Variants in IQGAP3 observed in about 807,000 individuals in gnomAD.
The protein encoded by IQGAP3 is ras GTPase-activating-like protein IQGAP3.
A neutral mutation model predicts 208.2 loss-of-function variants in IQGAP3; 165 were observed. The ratio of observed to expected loss-of-function variants is 0.79; its 90% CI spans 0.70 to 0.90. IQGAP3 has a LOEUF of 0.90. Among genes scored for constraint, IQGAP3 ranks in the 40% least tolerant of loss-of-function variants. The pLI, the probability that IQGAP3 is intolerant of heterozygous loss-of-function variation, is 0.00. For missense variants in IQGAP3, 1,811 were observed against 2,043.1 expected (o/e 0.89, Z 2.19); for synonymous variants, 703 against 803.6 (o/e 0.87, Z 2.12).
In IQGAP3 at chr1:156,561,986, T is replaced by C; in HGVS notation, c.893A>G (p.Glu298Gly). 6.2e-7 allele frequency: 1 copy of C among 1,611,868 alleles called. No individual in the cohort carries two copies. Among genetic ancestry groups the C allele is most frequent in the Non-Finnish European group, 8.5e-7 (1 of 1,179,156 alleles). ...TCTTTCCAGGGCATCATCAACAACT[T>C]CTAGAGCCCCATGGACTGAAAAAAA... ...INHVNVHGALEVVDDALERQS... is the reference protein window; with the variant it reads ...INHVNVHGALGVVDDALERQS... The change falls in exon 10 of 38, where the codon GAA becomes GGA. Residue 298 changes from glutamate to glycine, a missense_variant. Glu to Gly is a moderately conservative substitution (Grantham distance 98, BLOSUM62 -2). Transcript: ENST00000361170.
Position 156,548,732 on chromosome 1 carries a change from A to T in IQGAP3, c.1842T>A (p.Ala614=), listed in dbSNP as rs1675399475. The T allele has an allele frequency of 6.3e-7, 1 of 1,578,080 alleles. No homozygotes were observed. The highest frequency in any genetic ancestry group is 1.2e-5 in the South Asian group (1 of 85,956). ...CCTCCTTGATGGCTTGATTGATGGC[A>T]GCCACACCAAGAGCCACTGACAGGG... is the stretch of plus-strand genomic sequence containing the variant. ...NTAQRMALGV[A]AINQAIKEGK... The change falls in exon 17 of 38, where the codon GCT becomes GCA. Residue 614 remains alanine (A), a synonymous_variant. Coordinates refer to ENST00000361170, the MANE Select transcript of IQGAP3 (RefSeq NM_178229.5).
intron 32 of IQGAP3, among the ~76,000 whole-genome samples, chr1:156,531,599 A>G (rs1402799641): frequency 1.5e-5 from 2 of 131,854 alleles, no homozygotes; most frequent in Admixed American, 7.8e-5. Context: ...TACTCAGCTC[A>G]CTTGTTTTTT....
chr1:156,551,643 G>A, intron 15 of IQGAP3, 62 bp downstream of exon 15: 2 of 1,523,336 alleles, frequency 1.3e-6, no homozygotes, highest in South Asian at 1.2e-5. Context: ...ACTGGGTACA[G>A]TGCAACCCAC....
In IQGAP3 at chr1:156,526,496, A is replaced by C. The variant is rs779522790; in HGVS notation, c.4886T>G (p.Leu1629Trp). Residue 1629 changes from leucine to tryptophan, a missense_variant, in exon 38 of 38, where the codon TTG becomes TGG. Transcript: ENST00000361170. ...LLIFLLNKKF[L>W]RK is the part of the protein sequence containing the mutation. ...CACCCTTTGCCTCTGTCACTTCCGC[A>C]AAAACTTCTTGTTGAGGAGGAAGAT... 6.2e-7 allele frequency: 1 copy of C among 1,613,048 alleles called. No homozygotes were observed. The highest frequency in any genetic ancestry group is 1.1e-5 in the South Asian group (1 of 91,054).
intron 19 of IQGAP3, among the ~76,000 whole-genome samples, chr1:156,546,379 G>A (rs1232484822): frequency 6.6e-6 from 1 of 152,176 alleles, no homozygotes; most frequent in Non-Finnish European, 1.5e-5. Context: ...AGCCCACACA[G>A]CTTTGGTACT....
chr1:156,538,129 C>T (rs147678478), intron 26 of IQGAP3, among the ~76,000 whole-genome samples: 707 of 152,236 alleles, frequency 4.6e-3, no homozygotes, highest in African/African-American at 0.016. Context: ...GGCACGATCT[C>T]GGCTCACTGC....
Position 156,561,954 on chromosome 1 carries a change from G to C in IQGAP3, c.925C>G (p.Pro309Ala). The change falls in exon 10 of 38, where the codon CCT becomes GCT. Residue 309 changes from proline (P) to alanine (A), a missense_variant. Pro to Ala is a conservative substitution (Grantham distance 27). Transcript: ENST00000361170. ...VVDDALERQS[P>A]EALLKALQDP... ...TGAAGGGCCTTGAGCAAGGCTTCAG[G>C]GCTCTGTCTTTCCAGGGCATCATCA... 2 of 1,613,842 alleles carry C rather than the reference G, an allele frequency of 1.2e-6. No homozygotes were observed. Among genetic ancestry groups the C allele is most frequent in the Admixed American group, 3.3e-5 (2 of 59,996 alleles).
intron 4 of IQGAP3, 67 bp downstream of exon 4, chr1:156,565,960 G>A: frequency 8.4e-7 from 1 of 1,194,738 alleles, no homozygotes; most frequent in African/African-American, 1.5e-5. Flanking sequence ...GGGAGATAAA[G>A]CATGGGATTG....
chr1:156,572,271 A>C (rs1676679604), intron 1 of IQGAP3, among the ~76,000 whole-genome samples: 1 of 152,238 alleles, frequency 6.6e-6, no homozygotes, highest in Non-Finnish European at 1.5e-5. Context: ...AGTTCTTTGT[A>C]AGCTTTAAAG....
intron 27 of IQGAP3, chr1:156,536,730 A>T (rs1309493019): frequency 6.5e-6 from 1 of 154,710 alleles, no homozygotes; most frequent in Non-Finnish European, 1.4e-5. Context: ...AAAACATCAC[A>T]CTATACCCTA....
chr1:156,527,473 G>C (rs376447653), intron 37 of IQGAP3, among the ~76,000 whole-genome samples: 1 of 152,018 alleles, frequency 6.6e-6, no homozygotes. Context: ...GTAAGGCTCC[G>C]TCTCAAGAAA....
rs182838825 is a variant in IQGAP3, at chr1:156,527,248, G to A, written c.4783-649C>T. 2.5e-4 allele frequency among the ~76,000 whole-genome samples: 38 copies of A among 151,366 alleles called. No homozygotes were observed. In the East Asian group the frequency reaches 6.9e-3, roughly 27 times the overall value. ...GTAAATCCCAGCATTTTGGGAGGCT[G>A]AGGCGGGCGGATCACAAGGTCAGCA... On this transcript the variant is annotated intron_variant, in intron 37 of 37. Coordinates refer to ENST00000361170, the MANE Select transcript of IQGAP3 (RefSeq NM_178229.5).
In IQGAP3 at chr1:156,563,325, A is replaced by G. The variant is rs1310591164; in HGVS notation, c.620-13T>C. 6.3e-7 allele frequency: 1 copy of G among 1,578,372 alleles called. No homozygotes were observed. The highest frequency in any genetic ancestry group is 8.6e-7 in the Non-Finnish European group (1 of 1,157,030). The stretch of plus-strand genomic sequence containing the variant: ...ACAGCTGCATGGACTGGGAGAGGGC[A>G]TGGAAACAAGGTCAGGAGGCCAGAG... On this transcript the variant is annotated splice_polypyrimidine_tract_variant and intron_variant, in intron 7 of 37. Transcript: ENST00000361170.
In IQGAP3 at chr1:156,541,003, T is replaced by C. The variant is rs1011301935; in HGVS notation, c.2531-87A>G. 15 of 1,083,352 alleles carry C rather than the reference T, an allele frequency of 1.4e-5. No individual in the cohort carries two copies. The African/African-American group carries it at 2.2e-4, about 16-fold the overall frequency. 67.1% of individuals were successfully genotyped at this position (1,083,352 alleles called of 1,614,324 possible). ...CCCTGCCCGAGTCAGCCCACCCCAG[T>C]CCCCGTTCTGCTTGGGATCAGCAGG... On this transcript the variant is annotated intron_variant, in intron 22 of 37. Coordinates refer to ENST00000361170, the MANE Select transcript of IQGAP3 (RefSeq NM_178229.5).
In IQGAP3 at chr1:156,539,839, T is replaced by C. The variant is rs750629224; in HGVS notation, c.2891A>G (p.Gln964Arg). ...CTCCTTGGAAAGTCCTCTGCTAACC[T>C]GGAGCAGGTAGAAGAGGTGTTGGTA... ...EAYQHLFYLL[Q>R]TQPIYLAKLI... The change falls in exon 24 of 38, where the codon CAG (glutamine) becomes CGG (arginine). Residue 964 changes from glutamine to arginine, a missense_variant and splice_region_variant. Transcript: ENST00000361170. 3 of 1,614,208 alleles carry C rather than the reference T, an allele frequency of 1.9e-6. No individual in the cohort carries two copies. In the Middle Eastern group the frequency reaches 4.9e-4, roughly 266 times the overall value.
At chr1:156,535,007 C>T (rs924630957) in intron 28 of IQGAP3, among the ~76,000 whole-genome samples, 156 bp downstream of exon 28, 1 of 152,132 alleles carries the variant, frequency 6.6e-6, no homozygotes, top group Non-Finnish European at 1.5e-5. Flanking sequence ...TGAAGCCCTG[C>T]GGGTGAGCCA....
chr1:156,534,789 GC>G, intron 28 of IQGAP3, 56 bp from the exon 29 acceptor site: 1 of 1,289,092 alleles, frequency 7.8e-7, no homozygotes, highest in Non-Finnish European at 1.0e-6. Context: ...GACTGGTGCG[GC>G]CCCACATTCT....
At chr1:156,540,946 A>G (rs764246202) in intron 22 of IQGAP3, 30 bp from the exon 23 acceptor site, 10 of 1,581,294 alleles carry the variant, frequency 6.3e-6, no homozygotes, top group Non-Finnish European at 8.7e-6. Context: ...CATCAGGATT[A>G]GCCATGCCTC....
At chr1:156,563,902 G>A (rs1330974091) in intron 5 of IQGAP3, 78 bp from the exon 6 acceptor site, 2 of 1,179,554 alleles carry the variant, frequency 1.7e-6, no homozygotes, top group African/African-American at 3.0e-5. Flanking sequence ...GTTTGAAGGG[G>A]ATACTATGGG....
Sources: gnomAD v4.1 joint callset for allele counts (sites outside exome capture counted in the v4.1 genomes callset) on GRCh38, gnomAD v4.1.1 for gene constraint, MANE v1.5 for transcripts, NCBI Gene and HGNC (gene_info 2026-07-23, HGNC 2026-07-21) for gene names.